TMCC1: variants seen among roughly 807,000 people sequenced by gnomAD.
TMCC1 encodes transmembrane and coiled-coil domains protein 1.
A neutral mutation model predicts 52.4 loss-of-function variants in TMCC1; 15 were observed. That is an observed-to-expected ratio of 0.29 (90% CI 0.19 to 0.44). TMCC1 has a LOEUF of 0.44. TMCC1 is among the 20% of genes least tolerant of loss of function. The probability of loss-of-function intolerance (pLI) is 1.00; values close to 1 mark genes in which losing one functional copy is unlikely to be tolerated. For synonymous variants in TMCC1, 279 were observed against 301.9 expected (o/e 0.92, Z 0.79); for missense variants, 503 against 806.0 (o/e 0.62, Z 4.55).
chr3:129,778,990 G>C, intron 4 of TMCC1, among the ~76,000 whole-genome samples: 1 of 151,964 alleles, frequency 6.6e-6, no homozygotes, highest in East Asian at 1.9e-4. Flanking sequence ...TTGTTTTGTA[G>C]TTTGTTTTTT....
chr3:129,857,616 C>T (rs1258008814), intron 2 of TMCC1, among the ~76,000 whole-genome samples: 7 of 151,712 alleles, frequency 4.6e-5, no homozygotes, highest in African/African-American at 1.2e-4. Context: ...GGCTGGAGTG[C>T]AGTGGTGCGA....
At chr3:129,687,362 T>C (rs1338624348) in intron 4 of TMCC1, among the ~76,000 whole-genome samples, 1 of 152,200 alleles carries the variant, frequency 6.6e-6, no homozygotes, top group African/African-American at 2.4e-5. Context: ...ATTTTGCAAA[T>C]CTAATGCAAC....
At chr3:129,698,189 T>C (rs895119239) in intron 4 of TMCC1, among the ~76,000 whole-genome samples, 5 of 152,188 alleles carry the variant, frequency 3.3e-5, no homozygotes, top group Admixed American at 2.0e-4. Context: ...AATGGACTCA[T>C]AGTTCCACAT....
intron 4 of TMCC1, among the ~76,000 whole-genome samples, chr3:129,787,790 T>C (rs997285720): frequency 3.9e-5 from 6 of 152,214 alleles, no homozygotes; most frequent in African/African-American, 1.2e-4. Flanking sequence ...TTACAAAGTT[T>C]ATCTTCAACC....
intron 4 of TMCC1, among the ~76,000 whole-genome samples, chr3:129,757,723 G>C (rs897658320): frequency 7.9e-5 from 12 of 152,112 alleles, no homozygotes; most frequent in Non-Finnish European, 1.8e-4. Context: ...CAGCTACTTG[G>C]GAGGCTGAGG....
chr3:129,685,029 C>T (rs369534817), intron 4 of TMCC1, among the ~76,000 whole-genome samples: 158 of 152,114 alleles, frequency 1.0e-3, no homozygotes, highest in African/African-American at 3.4e-3. Context: ...ATAAATGACA[C>T]AGGTATGACA....
chr3:129,756,303 G>A (rs2053006345), intron 4 of TMCC1, among the ~76,000 whole-genome samples: 1 of 152,154 alleles, frequency 6.6e-6, no homozygotes, highest in African/African-American at 2.4e-5. Flanking sequence ...ATCCTTGAAT[G>A]ACAGAATAGG....
chr3:129,745,956 T>C (rs556909383), intron 4 of TMCC1, among the ~76,000 whole-genome samples: 37 of 151,098 alleles, frequency 2.4e-4, no homozygotes, highest in African/African-American at 8.2e-4. Flanking sequence ...GGGGTCTTTC[T>C]TTGTTGCCCA....
At chr3:129,759,677 G>A (rs1270618755) in intron 4 of TMCC1, among the ~76,000 whole-genome samples, 6 of 125,258 alleles carry the variant, frequency 4.8e-5, no homozygotes, top group East Asian at 2.4e-4. Flanking sequence ...AAAGCCCCCC[G>A]TCTACAGGCA....
intron 3 of TMCC1, among the ~76,000 whole-genome samples, chr3:129,829,414 AAAATCAACG>A (rs563710277): frequency 0.018 from 2,397 of 133,530 alleles, 41 homozygotes; most frequent in Non-Finnish European, 0.028. Flanking sequence ...TAAGAGATGT[AAAATCAACG>A]CAACTGCCAT....
At chr3:129,885,893 C>T (rs560962808) in intron 1 of TMCC1, among the ~76,000 whole-genome samples, 11 of 151,974 alleles carry the variant, frequency 7.2e-5, no homozygotes, top group East Asian at 2.0e-4. Flanking sequence ...CAGGCGCCCA[C>T]GACCACGCCC....
chr3:129,757,626 G>C (rs933010695), intron 4 of TMCC1, among the ~76,000 whole-genome samples: 4 of 152,084 alleles, frequency 2.6e-5, no homozygotes, highest in Non-Finnish European at 5.9e-5. Flanking sequence ...TTTGAGACCA[G>C]CCTGGCCAAC....
chr3:129,778,829 G>GT (rs2055274952), intron 4 of TMCC1, among the ~76,000 whole-genome samples: 1 of 152,124 alleles, frequency 6.6e-6, no homozygotes, highest in African/African-American at 2.4e-5. Context: ...TGCCGTGATT[G>GT]TAAGTTTCCT....
chr3:129,830,498 T>C (rs1325193832), intron 3 of TMCC1, among the ~76,000 whole-genome samples: 1 of 152,210 alleles, frequency 6.6e-6, no homozygotes, highest in South Asian at 2.1e-4. Context: ...ACCAAAATAA[T>C]CCCCTATCAG....
intron 4 of TMCC1, among the ~76,000 whole-genome samples, chr3:129,773,646 T>C (rs2896582): frequency 0.097 from 14,773 of 152,262 alleles, 848 homozygotes; most frequent in Middle Eastern, 0.16. Flanking sequence ...CAAGTTACTT[T>C]AAAAAATATT....
intron 4 of TMCC1, among the ~76,000 whole-genome samples, chr3:129,812,227 A>C (rs143195663): frequency 5.4e-5 from 8 of 149,134 alleles, no homozygotes; most frequent in African/African-American, 1.7e-4. Context: ...CTGTAATCCC[A>C]GCTTCTTGGG....
intron 4 of TMCC1, among the ~76,000 whole-genome samples, chr3:129,720,675 T>G (rs930841299): frequency 6.6e-6 from 1 of 151,928 alleles, no homozygotes; most frequent in African/African-American, 2.4e-5. Context: ...TGTGAGCAAA[T>G]AAAACAGTTA....
chr3:129,742,085 G>A (rs377656447), intron 4 of TMCC1, among the ~76,000 whole-genome samples: 23 of 152,022 alleles, frequency 1.5e-4, no homozygotes, highest in Non-Finnish European at 2.6e-4. Flanking sequence ...TAAAACTCTC[G>A]TAAGAAAACA....
chr3:129,658,469 T>C (rs1179308938), intron 5 of TMCC1, among the ~76,000 whole-genome samples: 1 of 152,200 alleles, frequency 6.6e-6, no homozygotes, highest in Non-Finnish European at 1.5e-5. Context: ...CCAGGGACTG[T>C]CTGTACAACA....
Sources: allele counts gnomAD v4.1 joint callset (sites outside exome capture counted in the v4.1 genomes callset), GRCh38; gene constraint gnomAD v4.1.1; transcripts MANE v1.5; gene names NCBI Gene and HGNC (gene_info 2026-07-23, HGNC 2026-07-21).